Variants in HORMAD1 observed in about 807,000 individuals in gnomAD.
The protein encoded by HORMAD1 is HORMA domain containing 1, also known as HORMA domain-containing protein 1.
HORMAD1 carries 33 observed loss-of-function variants against 58.2 expected under a neutral mutation model. That is an observed-to-expected ratio of 0.57 (90% CI 0.43 to 0.76). The LOEUF is 0.76. Among genes scored for constraint, HORMAD1 ranks in the 30% least tolerant of loss-of-function variants. The pLI is 0.00. For missense variants in HORMAD1, 363 were observed against 462.0 expected, an observed-to-expected ratio of 0.79 and a Z score of 1.96; for synonymous variants, 137 against 144.6, an observed-to-expected ratio of 0.95 and a Z score of 0.38.
chr1:150,710,394 C>T (rs1651838685), intron 7 of HORMAD1, among the ~76,000 whole-genome samples: 1 of 152,106 alleles, frequency 6.6e-6, no homozygotes, highest in East Asian at 1.9e-4. Flanking sequence ...CAGTACATAT[C>T]TCATTGATAG....
At chr1:150,704,087 C>T in intron 12 of HORMAD1, 31 bp downstream of exon 12, 2 of 1,472,500 alleles carry the variant, frequency 1.4e-6, no homozygotes. Flanking sequence ...GTGAACAAAA[C>T]AAAAGTGAGA....
At chr1:150,699,045 A>G (rs1363836196) in intron 14 of HORMAD1, 5 of 192,554 alleles carry the variant, frequency 2.6e-5, no homozygotes, top group African/African-American at 4.7e-5. Context: ...GGGAAAAAAG[A>G]TTTTAAAATG....
chr1:150,698,660 A>G lies in HORMAD1; in HGVS notation c.1179T>C (p.His393=). 1.3e-6 allele frequency: 2 copies of G among 1,548,796 alleles called. No homozygotes were observed. Among genetic ancestry groups the G allele is most frequent in the Non-Finnish European group, 8.9e-7 (1 of 1,122,800 alleles). The part of the protein sequence containing the change: ...KRRKFSEPKE[H]I ...TGCAGAACAAAAATAATTTTTATAT[A>G]TGTTCCTTTGGTTCACTAAACTTTC... The change falls in exon 15 of 15, where the codon CAT becomes CAC. Residue 393 remains histidine (H), a synonymous_variant. Coordinates refer to ENST00000361824, the MANE Select transcript of HORMAD1 (RefSeq NM_032132.5).
chr1:150,698,807 G>T, intron 14 of HORMAD1, 73 bp from the exon 15 acceptor site: 1 of 863,012 alleles, frequency 1.2e-6, no homozygotes, highest in Non-Finnish European at 1.8e-6. Context: ...ATTTTTTCAT[G>T]TATCTGAGAT....
rs769792421 is a variant in HORMAD1, at chr1:150,704,141, C to A, written c.925G>T (p.Asp309Tyr). The A allele has an allele frequency of 1.3e-6, 2 of 1,591,682 alleles. No homozygotes were observed. Among genetic ancestry groups the A allele is most frequent in the Non-Finnish European group, 1.7e-6 (2 of 1,171,072 alleles). The change falls in exon 12 of 15, where the codon GAT (aspartate) becomes TAT (tyrosine). Residue 309 changes from aspartate (D) to tyrosine (Y), a missense_variant. Physicochemically the swap from Asp to Tyr is radical, Grantham distance 160. This residue lies in a region of HORMAD1 where 226 missense variants were observed against 257.8 expected (regional missense o/e 0.88). Transcript: ENST00000361824. ...ACCTGAGAATGAGAAATAGAAAGAT[C>A]TGGACTTTCTTTAGACCTCATAATT... ...DEIMRSKESP[D>Y]LSISHSQVEQ...
intron 3 of HORMAD1, among the ~76,000 whole-genome samples, chr1:150,716,080 G>C (rs1190430228): frequency 6.8e-6 from 1 of 147,114 alleles, no homozygotes; most frequent in Admixed American, 6.8e-5. Flanking sequence ...AAGGGATGAA[G>C]CACTGATCCA....
intron 3 of HORMAD1, among the ~76,000 whole-genome samples, chr1:150,715,605 A>C (rs1652043901): frequency 1.3e-5 from 2 of 152,046 alleles, no homozygotes. Context: ...ATTTTAATTT[A>C]AAAAATAGAG....
chr1:150,720,039 G>A (rs1381493539), intron 1 of HORMAD1, among the ~76,000 whole-genome samples: 2 of 146,186 alleles, frequency 1.4e-5, no homozygotes, highest in African/African-American at 2.5e-5. Flanking sequence ...TCAGCCTCCC[G>A]AGTAGCTGGG....
intron 3 of HORMAD1, among the ~76,000 whole-genome samples, chr1:150,716,053 C>A (rs11588404): frequency 0.39 from 58,332 of 149,998 alleles, 11,549 homozygotes; most frequent in South Asian, 0.55. Context: ...TGCAATAGAA[C>A]ATTATTCAGC....
intron 11 of HORMAD1, 32 bp downstream of exon 11, chr1:150,704,245 T>G: frequency 6.4e-7 from 1 of 1,573,066 alleles, no homozygotes; most frequent in South Asian, 1.2e-5. Context: ...GAGTTGGAAG[T>G]GAGTTAATGT....
chr1:150,710,481 A>G (rs1651841245), intron 7 of HORMAD1, among the ~76,000 whole-genome samples: 1 of 152,332 alleles, frequency 6.6e-6, no homozygotes, highest in South Asian at 2.1e-4. Flanking sequence ...TAAACATTCA[A>G]TAAATATTAT....
At chr1:150,711,966 T>C in intron 5 of HORMAD1, 113 bp from the exon 6 acceptor site, 1 of 736,986 alleles carries the variant, frequency 1.4e-6, no homozygotes, top group Non-Finnish European at 2.3e-6. Context: ...TAACAAATAA[T>C]CATTGCAGAT....
chr1:150,704,070 C>A, intron 12 of HORMAD1, 48 bp downstream of exon 12: 1 of 1,261,744 alleles, frequency 7.9e-7, no homozygotes, highest in Non-Finnish European at 1.1e-6. Flanking sequence ...GCATAAGCAA[C>A]TGTCCTGTGA....
chr1:150,707,323 A>G (rs1651724778), intron 9 of HORMAD1, among the ~76,000 whole-genome samples: 1 of 152,188 alleles, frequency 6.6e-6, no homozygotes, highest in Admixed American at 6.5e-5. Flanking sequence ...TTTTAACTTA[A>G]TAATATATCT....
At chr1:150,709,967 TCTC>T (rs1396959405) in intron 7 of HORMAD1, among the ~76,000 whole-genome samples, 2 of 152,136 alleles carry the variant, frequency 1.3e-5, no homozygotes. Context: ...TTGCTGACCT[TCTC>T]CTTATTATCA....
intron 14 of HORMAD1, among the ~76,000 whole-genome samples, chr1:150,699,528 A>ATT (rs879621084): frequency 2.1e-5 from 3 of 142,284 alleles, no homozygotes; most frequent in African/African-American, 7.7e-5. Flanking sequence ...CCTGGCACTG[A>ATT]TTTTTTTTTT....
At chr1:150,713,570 C>G (rs959423789) in intron 5 of HORMAD1, among the ~76,000 whole-genome samples, 6 of 152,042 alleles carry the variant, frequency 3.9e-5, no homozygotes, top group Non-Finnish European at 7.3e-5. Flanking sequence ...TCACAATTAG[C>G]CTAGTGCTGG....
At chr1:150,717,905 C>G (rs1181474574) in intron 2 of HORMAD1, among the ~76,000 whole-genome samples, 1 of 151,982 alleles carries the variant, frequency 6.6e-6, no homozygotes, top group South Asian at 2.1e-4. Context: ...AAGATCGCAC[C>G]ACTGCACTCC....
chr1:150,706,564 G>GCTC lies in HORMAD1; in HGVS notation c.790_792dup (p.Glu264dup). On this transcript the variant is annotated inframe_insertion, in exon 10 of 15. Transcript: ENST00000361824. ...TGAAATACACTTACACTTGTATAAT[G>GCTC]CTCCTGTTCATCTTCTACATCTTTG... 1 of 1,603,946 alleles carries GCTC rather than the reference G, an allele frequency of 6.2e-7. No individual in the cohort carries two copies. The highest frequency in any genetic ancestry group is 1.3e-5 in the African/African-American group (1 of 74,708).
Sources: allele counts gnomAD v4.1 joint callset (sites outside exome capture counted in the v4.1 genomes callset), GRCh38; gene constraint gnomAD v4.1.1; regional missense constraint gnomAD v4.1.1; transcripts MANE v1.5; gene names NCBI Gene and HGNC (gene_info 2026-07-23, HGNC 2026-07-21).